The following JAKMIP2 variants were observed in gnomAD, a reference collection of about 807,000 sequenced individuals.
JAKMIP2 encodes the protein janus kinase and microtubule-interacting protein 2.
Under a neutral mutation model 115.0 loss-of-function variants are expected in JAKMIP2, and 25 were observed. The ratio of observed to expected loss-of-function variants is 0.22; its 90% CI spans 0.16 to 0.30. The LOEUF (loss-of-function observed/expected upper bound fraction) is 0.30, where lower values mean the gene tolerates loss of function less well. Among genes scored for constraint, JAKMIP2 ranks in the 10% least tolerant of loss-of-function variants. The pLI, the probability that JAKMIP2 is intolerant of heterozygous loss-of-function variation, is 1.00. For missense variants in JAKMIP2, 642 were observed against 957.6 expected (o/e 0.67, Z 4.35); for synonymous variants, 334 against 343.6 (o/e 0.97, Z 0.31).
chr5:147,685,971 G>A (rs1290437826), intron 1 of JAKMIP2, among the ~76,000 whole-genome samples: 1 of 152,164 alleles, frequency 6.6e-6, no homozygotes, highest in East Asian at 1.9e-4. Context: ...ATTCAGTGAG[G>A]ACAAGTGGAG....
intron 1 of JAKMIP2, among the ~76,000 whole-genome samples, chr5:147,704,653 G>A (rs1267488977): frequency 6.6e-6 from 1 of 152,140 alleles, no homozygotes; most frequent in East Asian, 1.9e-4. Context: ...TTCATGGAAA[G>A]CCAACTGGAT....
intron 9 of JAKMIP2, among the ~76,000 whole-genome samples, chr5:147,640,262 T>C (rs1265886915): frequency 6.6e-6 from 1 of 152,132 alleles, no homozygotes; most frequent in Non-Finnish European, 1.5e-5. Flanking sequence ...ACTGGGGTGT[T>C]TCACTCCTAA....
intron 1 of JAKMIP2, among the ~76,000 whole-genome samples, chr5:147,740,829 T>A (rs1561570345): frequency 2.0e-5 from 3 of 152,214 alleles, no homozygotes. Context: ...CAATCCATCT[T>A]GAAGGGCAAA....
chr5:147,707,119 C>T (rs1752609295), intron 1 of JAKMIP2, among the ~76,000 whole-genome samples: 1 of 152,032 alleles, frequency 6.6e-6, no homozygotes, highest in Non-Finnish European at 1.5e-5. Context: ...TAAGTCTTCA[C>T]CAAGTGCAGC....
intron 1 of JAKMIP2, among the ~76,000 whole-genome samples, chr5:147,703,288 A>G (rs1752443138): frequency 6.6e-6 from 1 of 152,164 alleles, no homozygotes; most frequent in Non-Finnish European, 1.5e-5. Flanking sequence ...TGGGTACAGC[A>G]TGCAACTGTA....
At chr5:147,593,310 C>T (rs1045513317) in intron 21 of JAKMIP2, among the ~76,000 whole-genome samples, 1 of 152,232 alleles carries the variant, frequency 6.6e-6, no homozygotes, top group African/African-American at 2.4e-5. Flanking sequence ...CCTGCACACC[C>T]TTCTGAAGAA....
intron 20 of JAKMIP2, among the ~76,000 whole-genome samples, chr5:147,604,478 G>A (rs1004101603): frequency 6.6e-6 from 1 of 152,064 alleles, no homozygotes; most frequent in Non-Finnish European, 1.5e-5. Flanking sequence ...AGTACCTGAA[G>A]ACCCACCCTA....
rs1450226206 is a variant in JAKMIP2, at chr5:147,591,674, G to A, written c.*33C>T. On this transcript the variant is annotated 3_prime_UTR_variant, in exon 22 of 22. Coordinates refer to ENST00000616793, the MANE Select transcript of JAKMIP2 (RefSeq NM_001270941.2). ...CTTGTCTTCCTGGGATCTTATCCATGTTTTCGGTTACTCTGCAAAACAGAG... is the reference window on the plus strand; with the variant it reads ...CTTGTCTTCCTGGGATCTTATCCATATTTTCGGTTACTCTGCAAAACAGAG... 1.3e-6 allele frequency: 2 copies of A among 1,594,610 alleles called. No homozygotes were observed. Among genetic ancestry groups the A allele is most frequent in the South Asian group, 2.3e-5 (2 of 88,266 alleles).
At chr5:147,702,848 G>C (rs1272920052) in intron 1 of JAKMIP2, among the ~76,000 whole-genome samples, 2 of 151,990 alleles carry the variant, frequency 1.3e-5, no homozygotes, top group African/African-American at 2.4e-5. Context: ...ATGTCAATTT[G>C]AGTTGTGTTT....
rs151193804 is a variant in JAKMIP2, at chr5:147,621,677, G to A, written c.2065-934C>T. 7.4e-3 allele frequency among the ~76,000 whole-genome samples: 1,123 copies of A among 152,180 alleles called. 21 individuals are homozygous for A. The highest frequency in any genetic ancestry group is 0.052 in the Admixed American group (790 of 15,294). On this transcript the variant is annotated intron_variant, in intron 17 of 21. Coordinates refer to ENST00000616793, the MANE Select transcript of JAKMIP2 (RefSeq NM_001270941.2). Reference sequence around the variant, plus strand: ...TAAAAATAAAATAAAATAACAAACTGTTCTTTTTACATGCTTTGACATTGG... The same window carrying A: ...TAAAAATAAAATAAAATAACAAACTATTCTTTTTACATGCTTTGACATTGG...
chr5:147,710,519 T>G (rs1440603921), intron 1 of JAKMIP2, among the ~76,000 whole-genome samples: 1 of 152,226 alleles, frequency 6.6e-6, no homozygotes, highest in Non-Finnish European at 1.5e-5. Flanking sequence ...CTGAGTGATC[T>G]TCACAAATAA....
intron 16 of JAKMIP2, among the ~76,000 whole-genome samples, chr5:147,624,483 C>T (rs1017435010): frequency 2.0e-5 from 3 of 152,172 alleles, no homozygotes; most frequent in East Asian, 3.9e-4. Flanking sequence ...ATTGGGACAA[C>T]GGTAATTTTT....
chr5:147,639,779 A>C lies in JAKMIP2; in HGVS notation c.1402-19T>G, dbSNP rs774025153. 1.4e-5 allele frequency: 22 copies of C among 1,588,084 alleles called. No homozygotes were observed. The highest frequency in any genetic ancestry group is 1.9e-5 in the Non-Finnish European group (22 of 1,165,490). On this transcript the variant is annotated intron_variant, in intron 9 of 21. Coordinates refer to ENST00000616793, the MANE Select transcript of JAKMIP2 (RefSeq NM_001270941.2). ...CTAAACTCTTGAGGTTAAGAAAAAA[A>C]GCCCCAAAACAATTGTGTTATGTTC...
chr5:147,640,941 CTTCTTTGTTGAAATAAAAACAT>C, intron 8 of JAKMIP2, 118 bp from the exon 9 acceptor site: 1 of 784,834 alleles, frequency 1.3e-6, no homozygotes, highest in Non-Finnish European at 2.0e-6. Context: ...ATCCTCTATG[CTTCTTTGTTGAAATAAAAACAT>C]TAGGCATGAG....
chr5:147,627,394 T>C (rs920760153), intron 16 of JAKMIP2, among the ~76,000 whole-genome samples: 3 of 151,038 alleles, frequency 2.0e-5, no homozygotes, highest in Non-Finnish European at 3.0e-5. Context: ...GAGTGGAGAA[T>C]GGAGAGAGAA....
chr5:147,624,240 G>A (rs918385315), intron 16 of JAKMIP2, among the ~76,000 whole-genome samples: 3 of 152,190 alleles, frequency 2.0e-5, no homozygotes, highest in African/African-American at 7.2e-5. Flanking sequence ...GTCAGGTGCT[G>A]TACCAGGTCC....
intron 1 of JAKMIP2, among the ~76,000 whole-genome samples, chr5:147,695,267 G>A (rs1752050670): frequency 6.6e-6 from 1 of 152,140 alleles, no homozygotes; most frequent in Admixed American, 6.5e-5. Flanking sequence ...TTTAGTAGTT[G>A]AGAGGCTAAA....
chr5:147,731,333 C>A (rs1463204111), intron 1 of JAKMIP2, among the ~76,000 whole-genome samples: 1 of 152,122 alleles, frequency 6.6e-6, no homozygotes. Flanking sequence ...TCAAGTAGCT[C>A]ACGAAAGACT....
chr5:147,728,533 C>A lies in JAKMIP2; in HGVS notation c.-149+53923G>T, dbSNP rs1211584327. Among the ~76,000 whole-genome samples the A allele has an allele frequency of 2.0e-5, 3 of 152,150 alleles. No individual in the cohort carries two copies. The East Asian group carries it at 5.8e-4, about 29-fold the overall frequency. On this transcript the variant is annotated intron_variant, in intron 1 of 21. Coordinates refer to ENST00000616793, the MANE Select transcript of JAKMIP2 (RefSeq NM_001270941.2). ...AAAACTGGCAAATGAAAAAAACTTA[C>A]ACGTACTGAAACTATTTCTGTCTGT...
Sources: gnomAD v4.1 joint callset for allele counts (sites outside exome capture counted in the v4.1 genomes callset) on GRCh38, gnomAD v4.1.1 for gene constraint, MANE v1.5 for transcripts, NCBI Gene and HGNC (gene_info 2026-07-23, HGNC 2026-07-21) for gene names.